Variants in TMPRSS7 observed in about 807,000 individuals in gnomAD.
TMPRSS7 encodes the protein transmembrane protease serine 7.
A neutral mutation model predicts 95.6 loss-of-function variants in TMPRSS7; 81 were observed. The ratio of observed to expected loss-of-function variants is 0.85; its 90% CI spans 0.71 to 1.02. The LOEUF (loss-of-function observed/expected upper bound fraction) is 1.02. Ranked by LOEUF, TMPRSS7 falls within the 50% of genes least tolerant of loss-of-function variation. TMPRSS7 has a pLI of 0.00. For missense variants in TMPRSS7, 945 were observed against 955.2 expected (o/e 0.99, Z 0.14); for synonymous variants, 364 against 337.8 (o/e 1.08, Z -0.85).
At chr3:112,044,283 T>A (rs1456417776) in exon 4 of TMPRSS7, 1 of 1,551,266 alleles carries the variant, frequency 6.4e-7, no homozygotes, top group Non-Finnish European at 8.7e-7. Context: ...ACATCTGCCT[T>A]CTCCAAATTT....
At chr3:112,056,121 G>A (rs906247195) in intron 9 of TMPRSS7, among the ~76,000 whole-genome samples, 1 of 152,192 alleles carries the variant, frequency 6.6e-6, no homozygotes, top group African/African-American at 2.4e-5. Flanking sequence ...TCATGACAGA[G>A]ATAGTGGAGG....
intron 2 of TMPRSS7, among the ~76,000 whole-genome samples, chr3:112,040,237 G>A (rs1351608617): frequency 6.6e-6 from 1 of 152,152 alleles, no homozygotes; most frequent in Non-Finnish European, 1.5e-5. Context: ...AGAATGTAGG[G>A]CATCAAACAC....
intron 10 of TMPRSS7, 62 bp from the exon 11 acceptor site, chr3:112,061,725 G>T (rs2073508031): frequency 1.3e-6 from 2 of 1,523,780 alleles, no homozygotes; most frequent in African/African-American, 1.4e-5. Context: ...AATTCACCAT[G>T]AATGGGAATT....
At chr3:112,034,891 A>G in exon 1 of TMPRSS7, 1 of 702,956 alleles carries the variant, frequency 1.4e-6, no homozygotes, top group East Asian at 2.7e-5. Context: ...TGCTGACCTG[A>G]AAGTAAGTAC....
chr3:112,040,977 T>C (rs2073200529), intron 2 of TMPRSS7, among the ~76,000 whole-genome samples: 1 of 151,776 alleles, frequency 6.6e-6, no homozygotes, highest in Admixed American at 6.6e-5. Flanking sequence ...CTTTCTTACA[T>C]GGTTATTGTT....
chr3:112,047,129 G>A (rs1193552447), intron 6 of TMPRSS7, 117 bp downstream of exon 6: 5 of 663,110 alleles, frequency 7.5e-6, no homozygotes, highest in African/African-American at 5.4e-5. Context: ...TGACAGAAAT[G>A]CATTCAAACT....
rs534455640 is a variant in TMPRSS7 at position 112,073,439 on chromosome 3, G to A, written c.1667-857G>A. Reference sequence around the variant, plus strand: ...TTTTAATGATCACCATTCTAACTGCGGTGAGACGGTATCTCATTGTGGTTT... The same window carrying A: ...TTTTAATGATCACCATTCTAACTGCAGTGAGACGGTATCTCATTGTGGTTT... On this transcript the variant is annotated intron_variant, in intron 13 of 17. Coordinates refer to ENST00000452346, the Ensembl canonical transcript of TMPRSS7. Among the ~76,000 whole-genome samples the A allele has an allele frequency of 1.1e-4, 16 of 152,072 alleles. No homozygotes were observed. In the East Asian group the frequency reaches 2.3e-3, roughly 22 times the overall value.
chr3:112,040,575 AAC>A (rs1372678697), intron 2 of TMPRSS7, among the ~76,000 whole-genome samples: 1 of 152,182 alleles, frequency 6.6e-6, no homozygotes, highest in Non-Finnish European at 1.5e-5. Flanking sequence ...CATTAAGACA[AAC>A]ACACACAACC....
chr3:112,061,788 T>C, exon 11 of TMPRSS7: 1 of 1,605,680 alleles, frequency 6.2e-7, no homozygotes, highest in Non-Finnish European at 8.5e-7. Context: ...TCTCCCCAGG[T>C]ACTGTGGCTC....
intron 17 of TMPRSS7, 125 bp from the exon 18 acceptor site, chr3:112,080,789 A>G: frequency 1.2e-6 from 1 of 839,538 alleles, no homozygotes; most frequent in Non-Finnish European, 1.7e-6. Context: ...CAAATTACAG[A>G]GTGATTAGCC....
At chr3:112,062,900 T>C (rs1427137520) in intron 11 of TMPRSS7, among the ~76,000 whole-genome samples, 1 of 152,140 alleles carries the variant, frequency 6.6e-6, no homozygotes, top group Non-Finnish European at 1.5e-5. Flanking sequence ...GAATGAATCT[T>C]GAATCAGGGA....
At position 112,074,286 on chromosome 3, in the gene TMPRSS7, C is replaced by A; in HGVS notation, c.1667-10C>A. 1.3e-6 allele frequency: 2 copies of A among 1,591,148 alleles called. No homozygotes were observed. Among genetic ancestry groups the A allele is most frequent in the South Asian group, 1.1e-5 (1 of 89,756 alleles). On this transcript the variant is annotated splice_polypyrimidine_tract_variant and intron_variant, in intron 13 of 17. Transcript: ENST00000452346. Reference sequence around the variant, plus strand: ...TAAGGAAAGCTGTTTCTTCTTTTGTCCATTGTTAGGTATTCCATGCAACAA... The same window carrying A: ...TAAGGAAAGCTGTTTCTTCTTTTGTACATTGTTAGGTATTCCATGCAACAA...
chr3:112,047,696 C>CT (rs2073296490), intron 6 of TMPRSS7, 43 bp from the exon 7 acceptor site: 3 of 1,430,730 alleles, frequency 2.1e-6, no homozygotes, highest in African/African-American at 2.9e-5. Context: ...AAAGTCATTC[C>CT]TAAAAAAAAA....
chr3:112,049,885 C>A (rs769721382), exon 8 of TMPRSS7: 2 of 1,550,922 alleles, frequency 1.3e-6, no homozygotes, highest in African/African-American at 1.4e-5. Flanking sequence ...TTTGTTTCTA[C>A]AAATAATCTC....
At chr3:112,056,756 C>T (rs886126217) in intron 9 of TMPRSS7, among the ~76,000 whole-genome samples, 2 of 152,212 alleles carry the variant, frequency 1.3e-5, no homozygotes, top group Admixed American at 6.5e-5. Flanking sequence ...TTCACACTAA[C>T]AGGGAGAAAC....
chr3:112,049,907 AT>A lies in TMPRSS7; in HGVS notation c.1026del (p.Phe342LeufsTer68). ...CTACAAATAATCTCATGTTGGTGAC[AT>A]TTAAGTCTCCTCATATACGGAGGCT... On this transcript the variant is annotated frameshift_variant, in exon 8 of 18. Transcript: ENST00000452346. LOFTEE classifies it high-confidence loss of function. The A allele has an allele frequency of 6.4e-7, 1 of 1,564,618 alleles. No homozygotes were observed. Among genetic ancestry groups the A allele is most frequent in the Non-Finnish European group, 8.7e-7 (1 of 1,144,822 alleles).
chr3:112,079,137 T>C (rs576134707), intron 17 of TMPRSS7, among the ~76,000 whole-genome samples: 35 of 152,358 alleles, frequency 2.3e-4, no homozygotes, highest in African/African-American at 8.2e-4. Context: ...GCATTCATCA[T>C]TCTGCCATAA....
At chr3:112,038,513 C>A (rs776856271) in intron 2 of TMPRSS7, among the ~76,000 whole-genome samples, 192 bp downstream of exon 2, 1 of 152,154 alleles carries the variant, frequency 6.6e-6, no homozygotes, top group Non-Finnish European at 1.5e-5. Context: ...CTCTGTCACC[C>A]AGGCTGGAGT....
At chr3:112,074,522 C>A in intron 14 of TMPRSS7, 110 bp downstream of exon 14, 3 of 735,000 alleles carry the variant, frequency 4.1e-6, no homozygotes, top group South Asian at 2.5e-5. Flanking sequence ...GTTGCCATAG[C>A]CAAAACAAGA....
Sources: gnomAD v4.1 joint callset for allele counts (sites outside exome capture counted in the v4.1 genomes callset) on GRCh38, gnomAD v4.1.1 for gene constraint, MANE v1.5 for transcripts, NCBI Gene and HGNC (gene_info 2026-07-23, HGNC 2026-07-21) for gene names.